The following KAZN variants were observed in gnomAD, a reference collection of about 807,000 sequenced individuals.
KAZN encodes kazrin.
A neutral mutation model predicts 87.4 loss-of-function variants in KAZN; 40 were observed. That is an observed-to-expected ratio of 0.46 (90% CI 0.36 to 0.60). KAZN has a LOEUF of 0.60. Among genes scored for constraint, KAZN ranks in the 20% least tolerant of loss-of-function variants. The probability of loss-of-function intolerance (pLI) is 0.00; values close to 1 mark genes in which losing one functional copy is unlikely to be tolerated. For synonymous variants in KAZN, 466 were observed against 458.3 expected (o/e 1.02, Z -0.22); for missense variants, 898 against 1,073.9 (o/e 0.84, Z 2.29).
chr1:14,321,102 GC>G (rs1656020156), intron 2 of KAZN, among the ~76,000 whole-genome samples: 1 of 152,114 alleles, frequency 6.6e-6, no homozygotes, highest in African/African-American at 2.4e-5. Flanking sequence ...GCCCCAAGTT[GC>G]AAAAAATGTA....
intron 1 of KAZN, among the ~76,000 whole-genome samples, chr1:14,737,904 G>A (rs773998919): frequency 1.3e-5 from 2 of 152,172 alleles, no homozygotes; most frequent in Non-Finnish European, 2.9e-5. Flanking sequence ...ACCTGATTAG[G>A]TCAGGCCCAC....
chr1:14,775,788 A>G (rs1645158367), intron 1 of KAZN, among the ~76,000 whole-genome samples: 2 of 152,232 alleles, frequency 1.3e-5, no homozygotes, highest in Non-Finnish European at 2.9e-5. Flanking sequence ...CATGTCAGCC[A>G]GAGAGGCTGC....
chr1:14,533,390 A>G (rs553311837), intron 2 of KAZN, among the ~76,000 whole-genome samples: 75 of 152,300 alleles, frequency 4.9e-4, no homozygotes, highest in African/African-American at 1.8e-3. Context: ...CAAATCCCAC[A>G]TGCAGGCAGG....
intron 1 of KAZN, among the ~76,000 whole-genome samples, chr1:14,951,540 A>G (rs6659879): frequency 0.58 from 88,428 of 151,614 alleles, 28,940 homozygotes; most frequent in African/African-American, 0.9. Context: ...GCAATGGCAC[A>G]ATCTCGGTTC....
chr1:13,924,553 T>C (rs903907948), intron 1 of KAZN, among the ~76,000 whole-genome samples: 1 of 152,212 alleles, frequency 6.6e-6, no homozygotes, highest in African/African-American at 2.4e-5. Flanking sequence ...CTGCCTCTGA[T>C]TCTATTCAGT....
At chr1:14,185,298 T>C (rs1412154042) in intron 2 of KAZN, among the ~76,000 whole-genome samples, 1 of 152,208 alleles carries the variant, frequency 6.6e-6, no homozygotes, top group Non-Finnish European at 1.5e-5. Flanking sequence ...GCTTTCATCC[T>C]AAGAAAGTTA....
intron 1 of KAZN, among the ~76,000 whole-genome samples, chr1:14,146,409 A>C (rs552262461): frequency 1.3e-5 from 2 of 151,340 alleles, no homozygotes; most frequent in Admixed American, 6.6e-5. Context: ...GGTGGTGGGC[A>C]CCTGTAATCC....
intron 2 of KAZN, among the ~76,000 whole-genome samples, chr1:14,965,263 G>T (rs1187229852): frequency 5.3e-5 from 8 of 152,164 alleles, no homozygotes; most frequent in African/African-American, 1.9e-4. Context: ...CAAGCAGTCT[G>T]CCCGGGTCGG....
rs543327443 is a variant in KAZN, at chr1:14,551,732, A to G, written c.250-47251A>G. The stretch of plus-strand genomic sequence containing the variant: ...ATCTAAGCCTCCCAACCTGGTCCCC[A>G]TGCTCAAACCCCAGCAGAAACAGCA... On this transcript the variant is annotated intron_variant, in intron 2 of 16. Transcript: ENST00000636203. Among the ~76,000 whole-genome samples, 4 of 152,292 alleles carry G rather than the reference A, an allele frequency of 2.6e-5. No individual in the cohort carries two copies. The South Asian group carries it at 8.3e-4, about 32-fold the overall frequency.
chr1:14,473,656 C>A (rs1360674115), intron 2 of KAZN, among the ~76,000 whole-genome samples: 3 of 142,492 alleles, frequency 2.1e-5, no homozygotes, highest in African/African-American at 7.5e-5. Flanking sequence ...AAAAAAAACA[C>A]AAAAACAAAA....
intron 1 of KAZN, among the ~76,000 whole-genome samples, chr1:14,109,631 T>G (rs1165353514): frequency 6.6e-6 from 1 of 152,228 alleles, no homozygotes; most frequent in East Asian, 1.9e-4. Context: ...TCTGATATTT[T>G]TCTTTCATTT....
chr1:15,013,302 C>T (rs1409304200), intron 2 of KAZN, among the ~76,000 whole-genome samples: 1 of 152,156 alleles, frequency 6.6e-6, no homozygotes, highest in Non-Finnish European at 1.5e-5. Context: ...AAACTACTCA[C>T]CCCCGTTTCG....
At chr1:13,941,405 C>T (rs1358685621) in intron 1 of KAZN, among the ~76,000 whole-genome samples, 1 of 149,194 alleles carries the variant, frequency 6.7e-6, no homozygotes, top group African/African-American at 2.4e-5. Context: ...GGTCCTCAGT[C>T]CTCAGCTACA....
intron 2 of KAZN, among the ~76,000 whole-genome samples, chr1:14,417,035 C>CAT (rs1374720612): frequency 6.6e-6 from 1 of 150,808 alleles, no homozygotes; most frequent in Non-Finnish European, 1.5e-5. Context: ...CACACACACA[C>CAT]ACACACGTTA....
intron 1 of KAZN, among the ~76,000 whole-genome samples, chr1:13,932,258 A>ATATT (rs1312645754): frequency 0.022 from 964 of 43,092 alleles, 45 homozygotes; most frequent in African/African-American, 0.07. Context: ...CTTATTAAAC[A>ATATT]TTTTTTTTTT....
At chr1:14,860,131 CTTCCT>C (rs1187523247) in intron 1 of KAZN, among the ~76,000 whole-genome samples, 1 of 147,048 alleles carries the variant, frequency 6.8e-6, no homozygotes, top group African/African-American at 2.7e-5. Context: ...TTCTTCCTTC[CTTCCT>C]TTCTTCCTTC....
intron 2 of KAZN, among the ~76,000 whole-genome samples, chr1:14,529,451 G>A (rs181809852): frequency 2.4e-4 from 36 of 152,306 alleles, no homozygotes; most frequent in African/African-American, 7.0e-4. Flanking sequence ...AACTTCTGAC[G>A]TCCAGTTTCA....
At chr1:14,451,498 C>T (rs986018922) in intron 2 of KAZN, among the ~76,000 whole-genome samples, 27 of 151,716 alleles carry the variant, frequency 1.8e-4, no homozygotes, top group African/African-American at 5.8e-4. Context: ...TGATGGGAGG[C>T]GAGATGTATC....
At chr1:13,920,243 C>CAAA (rs56221437) in intron 1 of KAZN, among the ~76,000 whole-genome samples, 6,225 of 71,558 alleles carry the variant, frequency 0.087, 411 homozygotes, top group East Asian at 0.45. Context: ...GACCCTGTCT[C>CAAA]AAAAAAAAAA....
Sources: gnomAD v4.1 joint callset for allele counts (sites outside exome capture counted in the v4.1 genomes callset) on GRCh38, gnomAD v4.1.1 for gene constraint, MANE v1.5 for transcripts, NCBI Gene and HGNC (gene_info 2026-07-23, HGNC 2026-07-21) for gene names.